SGK1: variants seen among roughly 807,000 people sequenced by gnomAD.
SGK1 encodes the protein serine/threonine-protein kinase Sgk1.
Under a neutral mutation model 64.2 loss-of-function variants are expected in SGK1, and 26 were observed. That is an observed-to-expected ratio of 0.40 (90% confidence interval 0.30 to 0.56). The LOEUF is 0.56. SGK1 is among the 20% of genes least tolerant of loss of function. The probability of loss-of-function intolerance (pLI) is 0.38; values close to 1 mark genes in which losing one functional copy is unlikely to be tolerated. For missense variants in SGK1, 519 were observed against 645.6 expected (o/e 0.80, Z 2.12); for synonymous variants, 265 against 239.7 (o/e 1.11, Z -0.98).
At chr6:134,238,839 T>A (rs1776401886) in intron 2 of SGK1, among the ~76,000 whole-genome samples, 2 of 152,148 alleles carry the variant, frequency 1.3e-5, no homozygotes, top group South Asian at 4.1e-4. Context: ...TTCAAAGTAT[T>A]AAGAAAGGAG....
chr6:134,301,404 A>C (rs1777450940), intron 1 of SGK1, among the ~76,000 whole-genome samples: 1 of 152,132 alleles, frequency 6.6e-6, no homozygotes, highest in Non-Finnish European at 1.5e-5. Context: ...GCCTGAAAGG[A>C]AACTAAGAAA....
intron 3 of SGK1, among the ~76,000 whole-genome samples, chr6:134,206,395 T>A (rs1297886980): frequency 5.3e-4 from 61 of 115,656 alleles, no homozygotes; most frequent in African/African-American, 2.1e-3. Context: ...TTTTTTTTTT[T>A]TTTTTTTTTT....
At chr6:134,270,654 G>T (rs549219641) in intron 1 of SGK1, among the ~76,000 whole-genome samples, 2 of 148,280 alleles carry the variant, frequency 1.3e-5, no homozygotes, top group Non-Finnish European at 3.0e-5. Flanking sequence ...CCTTGACCTA[G>T]TTGCATCCTC....
At chr6:134,293,615 G>A (rs1777298547) in intron 1 of SGK1, among the ~76,000 whole-genome samples, 1 of 152,134 alleles carries the variant, frequency 6.6e-6, no homozygotes, top group Admixed American at 6.6e-5. Context: ...CTAAAAGGAA[G>A]CAGACTTGGA....
chr6:134,294,122 C>T (rs1451647626), intron 1 of SGK1, among the ~76,000 whole-genome samples: 1 of 152,178 alleles, frequency 6.6e-6, no homozygotes, highest in Non-Finnish European at 1.5e-5. Context: ...GCAGTGAAGC[C>T]TATCTTGGCC....
chr6:134,279,979 G>A (rs924170530), intron 1 of SGK1, among the ~76,000 whole-genome samples: 3 of 152,140 alleles, frequency 2.0e-5, no homozygotes, highest in Middle Eastern at 3.4e-3. Context: ...GATTTCTTGA[G>A]GCCAAGAGGT....
At chr6:134,217,360 G>A (rs1307702321) in intron 2 of SGK1, among the ~76,000 whole-genome samples, 1 of 152,178 alleles carries the variant, frequency 6.6e-6, no homozygotes, top group Non-Finnish European at 1.5e-5. Flanking sequence ...AGACTAGTGT[G>A]GCAGGCCTGC....
chr6:134,227,914 T>C (rs1030230288), intron 2 of SGK1, among the ~76,000 whole-genome samples: 1 of 151,562 alleles, frequency 6.6e-6, no homozygotes, highest in Non-Finnish European at 1.5e-5. Flanking sequence ...AGTAACCTCT[T>C]TGAAATAGAA....
In SGK1 at chr6:134,306,418, G is replaced by A. The variant is rs894446164; in HGVS notation, c.69+10974C>T. 2.4e-4 allele frequency among the ~76,000 whole-genome samples: 36 copies of A among 151,674 alleles called. 1 individual carries two copies. The highest frequency in any genetic ancestry group is 8.2e-4 in the African/African-American group (34 of 41,336). On this transcript the variant is annotated intron_variant, in intron 1 of 13. Transcript: ENST00000367858. ...AGCCTGAGCAACAGAGTGAGACTCC[G>A]TTTCAAAAAAAAAGAAAAAACACAC...
At chr6:134,216,055 T>C (rs1183407584) in intron 2 of SGK1, among the ~76,000 whole-genome samples, 1 of 151,974 alleles carries the variant, frequency 6.6e-6, no homozygotes, top group East Asian at 1.9e-4. Flanking sequence ...AAAATAAATA[T>C]ATTCACGTAT....
At position 134,221,436 on chromosome 6, in the gene SGK1, C is replaced by G. The variant is rs535271613; in HGVS notation, c.286-14005G>C. On this transcript the variant is annotated intron_variant, in intron 2 of 13. Coordinates refer to ENST00000367858, the MANE Select transcript of SGK1 (RefSeq NM_001143676.3). The stretch of plus-strand genomic sequence containing the variant: ...TCACCCTGGAATGTTCTTTGCCTAG[C>G]CTTCCACACAGTTCTCATCTCCTTC... Among the ~76,000 whole-genome samples the G allele has an allele frequency of 5.3e-5, 8 of 152,320 alleles. No homozygotes were observed. The South Asian group carries it at 1.7e-3, about 32-fold the overall frequency.
intron 2 of SGK1, among the ~76,000 whole-genome samples, chr6:134,208,822 GTA>G (rs998849345): frequency 4.0e-5 from 6 of 149,014 alleles, no homozygotes; most frequent in South Asian, 4.2e-4. Flanking sequence ...ATACACGCAT[GTA>G]TATATATGTA....
At position 134,204,472 on chromosome 6, in the gene SGK1, GAA is replaced by G. The variant is rs71003675; in HGVS notation, c.361+2882_361+2883del. ...GCGACAGAGCAAGACTCCATCTCAGGAAAAAAAAAAAAAAAAAAGAGTAAGTC... is the reference window on the plus strand; with the variant it reads ...GCGACAGAGCAAGACTCCATCTCAGGAAAAAAAAAAAAAAAAGAGTAAGTC... On this transcript the variant is annotated intron_variant, in intron 3 of 13. Coordinates refer to ENST00000367858, the MANE Select transcript of SGK1 (RefSeq NM_001143676.3). Among the ~76,000 whole-genome samples the G allele has an allele frequency of 4.5e-3, 513 of 114,782 alleles. 4 individuals are homozygous for G. Among genetic ancestry groups the G allele is most frequent in the African/African-American group, 0.015 (418 of 28,724 alleles). 75.3% of individuals were successfully genotyped at this position (114,782 alleles called of 152,430 possible).
intron 3 of SGK1, among the ~76,000 whole-genome samples, chr6:134,180,845 CG>C (rs1320691389): frequency 5.4e-5 from 8 of 147,120 alleles, no homozygotes; most frequent in Non-Finnish European, 1.2e-4. Flanking sequence ...GCACTCTCGC[CG>C]GGGCAACAAA....
At chr6:134,269,167 T>G (rs1172340536) in intron 1 of SGK1, among the ~76,000 whole-genome samples, 2 of 147,560 alleles carry the variant, frequency 1.4e-5, no homozygotes, top group African/African-American at 4.9e-5. Flanking sequence ...AGGTGTGAAC[T>G]CAGGTGGCAA....
At chr6:134,171,387 G>A (rs1197004411) in intron 11 of SGK1, 3 of 617,002 alleles carry the variant, frequency 4.9e-6, no homozygotes, top group Non-Finnish European at 5.7e-6. Context: ...GGGTGAGGGG[G>A]TAGATGTTAA....
intron 3 of SGK1, among the ~76,000 whole-genome samples, chr6:134,190,287 CTTT>C (rs757580358): frequency 3.7e-5 from 5 of 135,516 alleles, no homozygotes; most frequent in Non-Finnish European, 4.8e-5. Flanking sequence ...TCCTTCCTTC[CTTT>C]TTTTTTTTTT....
intron 3 of SGK1, 77 bp from the exon 4 acceptor site, chr6:134,174,663 C>G (rs918709013): frequency 1.9e-6 from 3 of 1,609,110 alleles, no homozygotes; most frequent in African/African-American, 1.3e-5. Context: ...CTAATCTGAT[C>G]CGGGACTTTC....
intron 3 of SGK1, among the ~76,000 whole-genome samples, chr6:134,206,821 C>T (rs570033219): frequency 1.3e-4 from 19 of 144,078 alleles, no homozygotes; most frequent in African/African-American, 4.2e-4. Flanking sequence ...GAGCCGAGAT[C>T]GTACCACCGC....
Sources: gnomAD v4.1 joint callset for allele counts (sites outside exome capture counted in the v4.1 genomes callset) on GRCh38, gnomAD v4.1.1 for gene constraint, MANE v1.5 for transcripts, NCBI Gene and HGNC (gene_info 2026-07-23, HGNC 2026-07-21) for gene names.